The following PDE10A variants were observed in gnomAD, a reference collection of about 807,000 sequenced individuals.
The protein encoded by PDE10A is cAMP and cAMP-inhibited cGMP 3',5'-cyclic phosphodiesterase 10A.
A neutral mutation model predicts 97.7 loss-of-function variants in PDE10A; 39 were observed. The observed-to-expected ratio is 0.40, with a 90% confidence interval of 0.31 to 0.52. The LOEUF (loss-of-function observed/expected upper bound fraction) is 0.52. PDE10A is among the 20% of genes least tolerant of loss of function. The pLI is 0.56. For synonymous variants in PDE10A, 371 were observed against 376.8 expected, an observed-to-expected ratio of 0.98 and a Z score of 0.18; for missense variants, 731 against 1,047.8, an observed-to-expected ratio of 0.70 and a Z score of 4.17.
chr6:165,850,795 T>G (rs1257549389), intron 1 of PDE10A, among the ~76,000 whole-genome samples: 1 of 152,258 alleles, frequency 6.6e-6, no homozygotes, highest in Non-Finnish European at 1.5e-5. Context: ...AATTTATTTT[T>G]CAATAATTAA....
chr6:165,748,847 T>G (rs2934849), intron 1 of PDE10A, among the ~76,000 whole-genome samples: 1 of 151,836 alleles, frequency 6.6e-6, no homozygotes, highest in Non-Finnish European at 1.5e-5. Context: ...TTCACTCTCC[T>G]GTGAAGAGAC....
At chr6:165,438,449 A>C (rs534334401) in intron 5 of PDE10A, among the ~76,000 whole-genome samples, 10 of 152,294 alleles carry the variant, frequency 6.6e-5, no homozygotes, top group Non-Finnish European at 1.2e-4. Context: ...CAGCCTCCCA[A>C]AGTGCTGGGA....
chr6:165,595,442 T>C (rs1786530864), intron 1 of PDE10A, among the ~76,000 whole-genome samples: 1 of 152,250 alleles, frequency 6.6e-6, no homozygotes, highest in African/African-American at 2.4e-5. Context: ...TATCTTTCAT[T>C]GTTCTAGTCC....
At chr6:165,430,496 T>C in intron 8 of PDE10A, 151 bp from the exon 9 acceptor site, 1 of 557,742 alleles carries the variant, frequency 1.8e-6, no homozygotes, top group East Asian at 2.9e-5. Flanking sequence ...ACCATTAATA[T>C]TTACTGAATA....
At chr6:165,755,953 A>C (rs1240017129) in intron 1 of PDE10A, among the ~76,000 whole-genome samples, 1 of 152,174 alleles carries the variant, frequency 6.6e-6, no homozygotes, top group Non-Finnish European at 1.5e-5. Context: ...TTTCCAATGC[A>C]TGAACTCCTG....
chr6:165,897,810 C>G (rs540654587), intron 1 of PDE10A, among the ~76,000 whole-genome samples: 2 of 152,158 alleles, frequency 1.3e-5, no homozygotes, highest in East Asian at 3.9e-4. Flanking sequence ...TGGTACATCC[C>G]CAGAAGCCTC....
chr6:165,563,475 T>G (rs1784625558), intron 1 of PDE10A, among the ~76,000 whole-genome samples: 1 of 152,190 alleles, frequency 6.6e-6, no homozygotes, highest in Admixed American at 6.5e-5. Context: ...GAATGTTTCT[T>G]GAGTGATGCA....
chr6:165,708,297 C>G (rs1182792650), intron 1 of PDE10A, among the ~76,000 whole-genome samples: 2 of 152,092 alleles, frequency 1.3e-5, no homozygotes, highest in African/African-American at 4.8e-5. Flanking sequence ...TGGTTTCTGG[C>G]CGTCACACCG....
At chr6:165,464,280 G>T (rs1778508952) in intron 3 of PDE10A, among the ~76,000 whole-genome samples, 1 of 152,194 alleles carries the variant, frequency 6.6e-6, no homozygotes, top group South Asian at 2.1e-4. Context: ...ACATATATTA[G>T]GAGAGATGAA....
chr6:165,757,694 T>C (rs1348317188), intron 1 of PDE10A, among the ~76,000 whole-genome samples: 3 of 152,224 alleles, frequency 2.0e-5, no homozygotes, highest in Admixed American at 1.3e-4. Context: ...GATTTATACG[T>C]CTATAGTATG....
intron 1 of PDE10A, among the ~76,000 whole-genome samples, chr6:165,976,720 G>C (rs1784855378): frequency 6.6e-6 from 1 of 152,166 alleles, no homozygotes; most frequent in African/African-American, 2.4e-5. Context: ...TGGTAAACTT[G>C]ACAGAGCACT....
At position 165,367,906 on chromosome 6, in the gene PDE10A, T is replaced by C. The variant is rs180685411; in HGVS notation, c.2783+11288A>G. Among the ~76,000 whole-genome samples the C allele has an allele frequency of 5.5e-4, 83 of 152,286 alleles. 1 individual carries two copies. In the South Asian group the frequency reaches 0.013, roughly 24 times the overall value. ...GGTTATTTGGGCTCAAATGAAATGATAGAAGTTGGAAATTTGGATTTACAT... is the reference window on the plus strand; with the variant it reads ...GGTTATTTGGGCTCAAATGAAATGACAGAAGTTGGAAATTTGGATTTACAT... On this transcript the variant is annotated intron_variant, in intron 18 of 21. Transcript: ENST00000539869.
intron 1 of PDE10A, among the ~76,000 whole-genome samples, chr6:165,680,263 C>T (rs956862589): frequency 3.9e-5 from 6 of 152,192 alleles, no homozygotes; most frequent in Non-Finnish European, 7.4e-5. Context: ...AGATTAAAGG[C>T]GGAATTCAAT....
intron 1 of PDE10A, among the ~76,000 whole-genome samples, chr6:165,593,572 A>T (rs952587048): frequency 5.9e-5 from 9 of 152,210 alleles, no homozygotes; most frequent in African/African-American, 2.2e-4. Flanking sequence ...CCATCAATGA[A>T]AATTGCATAT....
At chr6:165,555,440 C>T (rs1784206955) in intron 1 of PDE10A, among the ~76,000 whole-genome samples, 1 of 152,194 alleles carries the variant, frequency 6.6e-6, no homozygotes, top group South Asian at 2.1e-4. Flanking sequence ...AACACCTGAG[C>T]ACATACTAAG....
chr6:165,806,924 TTA>T (rs1490696340), intron 1 of PDE10A, among the ~76,000 whole-genome samples: 5 of 152,194 alleles, frequency 3.3e-5, no homozygotes, highest in African/African-American at 7.2e-5. Context: ...CCTTACCATG[TTA>T]TGTTTTTTCA....
intron 18 of PDE10A, among the ~76,000 whole-genome samples, chr6:165,370,580 A>G (rs1179036197): frequency 6.7e-6 from 1 of 149,814 alleles, no homozygotes; most frequent in African/African-American, 2.5e-5. Context: ...TTCACAAAGC[A>G]AGTCCTGAGT....
chr6:165,384,559 G>A lies in PDE10A; in HGVS notation c.2610+3739C>T, dbSNP rs528585665. Among the ~76,000 whole-genome samples, 5 of 151,812 alleles carry A rather than the reference G, an allele frequency of 3.3e-5. No homozygotes were observed. In the East Asian group the frequency reaches 9.7e-4, roughly 29 times the overall value. ...TCCCTATCACTGTGACCAAGGTCAA[G>A]GCAAGCTGTGAGCAAATACCCACTT... On this transcript the variant is annotated intron_variant, in intron 17 of 21. Coordinates refer to ENST00000539869, the MANE Select transcript of PDE10A (RefSeq NM_001385079.1).
upstream of PDE10A, chr6:165,987,968 TGTGC>T: frequency 5.2e-6 from 2 of 383,884 alleles, no homozygotes; most frequent in Admixed American, 3.0e-5. Flanking sequence ...AGTGCTTGTG[TGTGC>T]GTGCGTGTGT....
Sources: gnomAD v4.1 joint callset for allele counts (sites outside exome capture counted in the v4.1 genomes callset) on GRCh38, gnomAD v4.1.1 for gene constraint, MANE v1.5 for transcripts, NCBI Gene and HGNC (gene_info 2026-07-23, HGNC 2026-07-21) for gene names.